Variants in CLSTN2 observed in about 807,000 individuals in gnomAD.
The protein encoded by CLSTN2 is calsyntenin-2.
CLSTN2 carries 48 observed loss-of-function variants against 101.2 expected under a neutral mutation model. That is an observed-to-expected ratio of 0.47 (90% CI 0.38 to 0.60). The LOEUF is 0.60. Ranked by LOEUF, CLSTN2 falls within the 20% of genes least tolerant of loss-of-function variation. The pLI is 0.00. For synonymous variants in CLSTN2, 481 were observed against 463.6 expected (o/e 1.04, Z -0.48); for missense variants, 1,160 against 1,238.2 (o/e 0.94, Z 0.95).
At chr3:140,261,935 G>T (rs377738986) in intron 2 of CLSTN2, among the ~76,000 whole-genome samples, 2 of 152,118 alleles carry the variant, frequency 1.3e-5, no homozygotes, top group African/African-American at 4.8e-5. Flanking sequence ...AGCTTGATCT[G>T]CCAGTTATCA....
chr3:140,483,276 G>A (rs569330680), intron 8 of CLSTN2, among the ~76,000 whole-genome samples: 1 of 152,220 alleles, frequency 6.6e-6, no homozygotes, highest in Non-Finnish European at 1.5e-5. Flanking sequence ...TTAATCCTGA[G>A]TTCTAGTTTG....
rs1363330383 is a variant in CLSTN2, at chr3:140,419,779, G to T, written c.638-1346G>T. ...TATACGTGTATACACGTGTATACAC[G>T]TATATACACGTATACGTGTATATAC... On this transcript the variant is annotated intron_variant, in intron 4 of 16. Coordinates refer to ENST00000458420, the MANE Select transcript of CLSTN2 (RefSeq NM_022131.3). Among the ~76,000 whole-genome samples the T allele has an allele frequency of 5.3e-5, 3 of 56,514 alleles. 1 individual carries two copies. Among genetic ancestry groups the T allele is most frequent in the Non-Finnish European group, 8.3e-5 (3 of 35,974 alleles). The allele number at this position is 56,514 out of a possible 152,430, so 37.1% of individuals were successfully genotyped here.
At chr3:140,234,064 T>C (rs1173118008) in intron 2 of CLSTN2, among the ~76,000 whole-genome samples, 1 of 152,248 alleles carries the variant, frequency 6.6e-6, no homozygotes, top group Non-Finnish European at 1.5e-5. Flanking sequence ...ATACCTGCTC[T>C]AGAGCTTTGT....
At chr3:140,181,488 A>G (rs1461797085) in intron 2 of CLSTN2, among the ~76,000 whole-genome samples, 1 of 152,162 alleles carries the variant, frequency 6.6e-6, no homozygotes, top group East Asian at 1.9e-4. Context: ...ACCCATTTGT[A>G]CTGTCAAGGT....
At chr3:140,201,519 G>A (rs896583724) in intron 2 of CLSTN2, among the ~76,000 whole-genome samples, 14 of 152,124 alleles carry the variant, frequency 9.2e-5, no homozygotes, top group African/African-American at 3.4e-4. Context: ...GGCATGATTG[G>A]AATAGAGGCA....
intron 5 of CLSTN2, among the ~76,000 whole-genome samples, chr3:140,431,569 T>A (rs190132729): frequency 1.3e-5 from 2 of 152,350 alleles, no homozygotes; most frequent in African/African-American, 2.4e-5. Flanking sequence ...CTCCTCTTTA[T>A]CAATAACCTC....
chr3:140,295,154 A>G (rs973288860), intron 2 of CLSTN2, among the ~76,000 whole-genome samples: 2 of 152,116 alleles, frequency 1.3e-5, no homozygotes, highest in African/African-American at 2.4e-5. Context: ...GGAAAAAGCC[A>G]TATCTTGCTT....
At chr3:140,416,829 A>C (rs2107987396) in intron 4 of CLSTN2, among the ~76,000 whole-genome samples, 1 of 152,254 alleles carries the variant, frequency 6.6e-6, no homozygotes, top group East Asian at 1.9e-4. Flanking sequence ...CTACTTTTCA[A>C]GCAATTGTTT....
chr3:140,368,836 A>G (rs2087821087), intron 2 of CLSTN2, among the ~76,000 whole-genome samples: 1 of 152,244 alleles, frequency 6.6e-6, no homozygotes, highest in Non-Finnish European at 1.5e-5. Context: ...GAGCACCCAC[A>G]GCATACTATT....
intron 7 of CLSTN2, among the ~76,000 whole-genome samples, chr3:140,465,232 C>A (rs1933661981): frequency 6.6e-6 from 1 of 152,204 alleles, no homozygotes; most frequent in African/African-American, 2.4e-5. Context: ...GGCCTGGCTC[C>A]TTTTCTCTGC....
At chr3:140,270,723 C>G (rs1379279572) in intron 2 of CLSTN2, among the ~76,000 whole-genome samples, 1 of 152,188 alleles carries the variant, frequency 6.6e-6, no homozygotes, top group African/African-American at 2.4e-5. Flanking sequence ...GCAAGTGCCA[C>G]AAGGACACTC....
intron 1 of CLSTN2, among the ~76,000 whole-genome samples, chr3:140,129,810 G>A (rs2009495209): frequency 1.3e-5 from 2 of 152,118 alleles, no homozygotes. Flanking sequence ...CTCTTGGAGT[G>A]CCATTCATCA....
intron 4 of CLSTN2, among the ~76,000 whole-genome samples, chr3:140,411,878 T>G (rs1382419633): frequency 6.6e-6 from 1 of 152,218 alleles, no homozygotes; most frequent in Non-Finnish European, 1.5e-5. Context: ...ACGTACAGAT[T>G]CTGGGAATAC....
At chr3:139,996,342 G>A (rs146431237) in intron 1 of CLSTN2, among the ~76,000 whole-genome samples, 178 of 152,250 alleles carry the variant, frequency 1.2e-3, no homozygotes, top group African/African-American at 4.1e-3. Flanking sequence ...TGGGTAGGTG[G>A]CTGTCCACAT....
chr3:140,265,376 A>G (rs1457201431), intron 2 of CLSTN2, among the ~76,000 whole-genome samples: 1 of 152,186 alleles, frequency 6.6e-6, no homozygotes, highest in Non-Finnish European at 1.5e-5. Context: ...CAGTAGTAGA[A>G]GAGAGAAGGC....
At chr3:140,404,405 G>A (rs2088279986) in intron 3 of CLSTN2, among the ~76,000 whole-genome samples, 153 bp from the exon 4 acceptor site, 1 of 152,188 alleles carries the variant, frequency 6.6e-6, no homozygotes, top group Non-Finnish European at 1.5e-5. Context: ...TCCAGTGAGA[G>A]GGAGGATGGG....
At chr3:140,455,157 T>A (rs562438936) in intron 6 of CLSTN2, among the ~76,000 whole-genome samples, 2 of 152,372 alleles carry the variant, frequency 1.3e-5, no homozygotes, top group South Asian at 4.1e-4. Flanking sequence ...AATATGGAGT[T>A]GATATTGCCA....
chr3:139,995,645 T>C (rs1936190108), intron 1 of CLSTN2, among the ~76,000 whole-genome samples: 1 of 152,192 alleles, frequency 6.6e-6, no homozygotes, highest in Non-Finnish European at 1.5e-5. Context: ...GAATTTGAAG[T>C]CTTGGCAGGT....
chr3:140,487,181 T>G (rs75882214), intron 8 of CLSTN2, among the ~76,000 whole-genome samples: 159 of 152,340 alleles, frequency 1.0e-3, no homozygotes, highest in African/African-American at 3.8e-3. Context: ...AGTAATGGTT[T>G]TAGCCATAAA....
Sources: allele counts gnomAD v4.1 joint callset (sites outside exome capture counted in the v4.1 genomes callset), GRCh38; gene constraint gnomAD v4.1.1; transcripts MANE v1.5; gene names NCBI Gene and HGNC (gene_info 2026-07-23, HGNC 2026-07-21).